Variants in KLHL42 observed in about 807,000 individuals in gnomAD.
KLHL42 encodes kelch-like protein 42.
KLHL42 carries 27 observed loss-of-function variants against 32.7 expected under a neutral mutation model. The observed-to-expected ratio is 0.83, with a 90% CI of 0.61 to 1.14. KLHL42 has a LOEUF of 1.14. KLHL42 is among the 50% of genes most tolerant of loss of function. The probability of loss-of-function intolerance (pLI) is 0.00; values close to 1 mark genes in which losing one functional copy is unlikely to be tolerated. For missense variants in KLHL42, 491 were observed against 560.8 expected (o/e 0.88, Z 1.26); for synonymous variants, 267 against 248.2 (o/e 1.08, Z -0.71).
chr12:27,780,817 A>C lies in KLHL42; in HGVS notation c.487A>C (p.Lys163Gln). 6.2e-7 allele frequency: 1 copy of C among 1,613,782 alleles called. No individual in the cohort carries two copies. Among genetic ancestry groups the C allele is most frequent in the Non-Finnish European group, 8.5e-7 (1 of 1,179,996 alleles). Residue 163 changes from lysine (K) to glutamine (Q), a missense_variant, in exon 1 of 3, where the codon AAG (lysine) becomes CAG (glutamine). This residue lies in a region of KLHL42 where 248 missense variants were observed against 329.2 expected (regional missense o/e 0.75). Transcript: ENST00000381271. This position sits in a 1 kb window ranked among gnomAD's most constrained non-coding sequence, Gnocchi z 8.8. ...CGTCCACTTCCACGAGGTGCTGTGCAAGCCCCAGTTCCACCTCCTGGGGTC... is the reference window on the plus strand; with the variant it reads ...CGTCCACTTCCACGAGGTGCTGTGCCAGCCCCAGTTCCACCTCCTGGGGTC... The part of the protein sequence containing the change: ...MVVHFHEVLC[K>Q]PQFHLLGSPP...
intron 1 of KLHL42, chr12:27,788,076 G>A (rs557166173): frequency 6.6e-6 from 1 of 152,330 alleles, no homozygotes; most frequent in South Asian, 2.1e-4. Context: ...CATGGCAGAA[G>A]GCAAGTAGAT....
At position 27,780,808 on chromosome 12, in the gene KLHL42, G is replaced by A; in HGVS notation, c.478G>A (p.Val160Met). 1 of 1,613,792 alleles carries A rather than the reference G, an allele frequency of 6.2e-7. No homozygotes were observed. Among genetic ancestry groups the A allele is most frequent in the East Asian group, 2.2e-5 (1 of 44,876 alleles). ...CTTCATGGTCGTCCACTTCCACGAG[G>A]TGCTGTGCAAGCCCCAGTTCCACCT... ...LRFMVVHFHE[V>M]LCKPQFHLLG... The change falls in exon 1 of 3, where the codon GTG becomes ATG. Residue 160 changes from valine (V) to methionine (M), a missense_variant. Physicochemically the swap from Val to Met is conservative, Grantham distance 21. Around this residue, in one of 4 missense-constraint regions of KLHL42, gnomAD observed 248 missense variants for 329.2 expected, o/e 0.75. Transcript: ENST00000381271. This position sits in a 1 kb window ranked among gnomAD's most constrained non-coding sequence, Gnocchi z 8.8.
chr12:27,800,759 C>T lies in KLHL42; in HGVS notation c.*2593C>T, dbSNP rs949550666. 5 of 151,992 alleles carry T rather than the reference C, an allele frequency of 3.3e-5. No individual in the cohort carries two copies. The highest frequency in any genetic ancestry group is 1.3e-4 in the Admixed American group (2 of 15,254). The allele number at this position is 151,992 out of a possible 1,614,324, so 9.4% of individuals were successfully genotyped here. On this transcript the variant is annotated 3_prime_UTR_variant, in exon 3 of 3. Coordinates refer to ENST00000381271, the MANE Select transcript of KLHL42 (RefSeq NM_020782.2). The stretch of plus-strand genomic sequence containing the variant: ...TCCCCCTTCATCCCCCAGGACTGTC[C>T]TTTACTCTTTGATAGTATCCCTCTA...
Position 27,799,083 on chromosome 12 carries a change from T to TA in KLHL42, c.*924dup, listed in dbSNP as rs1457877841. 1 of 152,770 alleles carries TA rather than the reference T, an allele frequency of 6.5e-6. No individual in the cohort carries two copies. Among genetic ancestry groups the TA allele is most frequent in the African/African-American group, 2.4e-5 (1 of 41,582 alleles). 9.5% of individuals were successfully genotyped at this position (152,770 alleles called of 1,614,324 possible). ...TTTGACTTAGTTCTTATTTTAAGGC[T>TA]AAAAAAACTTTGTCATATTTAAGTC... On this transcript the variant is annotated 3_prime_UTR_variant, in exon 3 of 3. Coordinates refer to ENST00000381271, the MANE Select transcript of KLHL42 (RefSeq NM_020782.2).
Position 27,798,099 on chromosome 12 carries a change from G to C in KLHL42, c.1451G>C (p.Arg484Pro). The change falls in exon 3 of 3, where the codon CGT (arginine) becomes CCT (proline). Residue 484 changes from arginine (R) to proline (P), a missense_variant. Physicochemically the swap from Arg to Pro is moderately radical, Grantham distance 103. Coordinates refer to ENST00000381271, the MANE Select transcript of KLHL42 (RefSeq NM_020782.2). Reference protein sequence around the residue: ...IFSDSWEAFRRFPAFGHNLLV... With the variant: ...IFSDSWEAFRPFPAFGHNLLV... ...TCAGATAGTTGGGAAGCATTTCGGC[G>C]TTTTCCAGCTTTTGGACATAACTTG... The C allele has an allele frequency of 1.3e-6, 1 of 780,990 alleles. No homozygotes were observed. The highest frequency in any genetic ancestry group is 2.4e-6 in the Non-Finnish European group (1 of 418,122). 48.4% of individuals were successfully genotyped at this position (780,990 alleles called of 1,614,324 possible).
rs185202566 is a variant in KLHL42 at position 27,783,272 on chromosome 12, G to A, written c.872+2070G>A. On this transcript the variant is annotated intron_variant, in intron 1 of 2. Coordinates refer to ENST00000381271, the MANE Select transcript of KLHL42 (RefSeq NM_020782.2). ...CTGAGTAGGCTGAGGAGGAAAAGGA[G>A]GTAGAGGAAGGGTTGGTTTTGCAGT... 1.2e-3 allele frequency among the ~76,000 whole-genome samples: 180 copies of A among 152,118 alleles called. 1 individual carries two copies. Among genetic ancestry groups the A allele is most frequent in the Admixed American group, 5.9e-4 (9 of 15,278 alleles).
chr12:27,781,317 A>G lies in KLHL42; in HGVS notation c.872+115A>G, dbSNP rs555315365. On this transcript the variant is annotated intron_variant, in intron 1 of 2. Coordinates refer to ENST00000381271, the MANE Select transcript of KLHL42 (RefSeq NM_020782.2). Reference sequence around the variant, plus strand: ...GGGAGGGTGTGCTGTGGTGGAAATGACATCTTCAGGAATGTTGTTGGCCTT... The same window carrying G: ...GGGAGGGTGTGCTGTGGTGGAAATGGCATCTTCAGGAATGTTGTTGGCCTT... The G allele has an allele frequency of 8.6e-5, 107 of 1,241,456 alleles. 1 individual carries two copies. In the South Asian group the frequency reaches 1.5e-3, roughly 18 times the overall value. 76.9% of individuals were successfully genotyped at this position (1,241,456 alleles called of 1,614,324 possible).
At position 27,798,206 on chromosome 12, in the gene KLHL42, T is replaced by C; in HGVS notation, c.*40T>C. 1.4e-6 allele frequency: 1 copy of C among 738,300 alleles called. No homozygotes were observed. 45.7% of individuals were successfully genotyped at this position (738,300 alleles called of 1,614,324 possible). On this transcript the variant is annotated 3_prime_UTR_variant, in exon 3 of 3. Coordinates refer to ENST00000381271, the MANE Select transcript of KLHL42 (RefSeq NM_020782.2). ...TAGATGAAAAAAACCTGGTTCAAGT[T>C]TTTTTTAAAATGTGGTGTCCCATTC...
intron 1 of KLHL42, among the ~76,000 whole-genome samples, chr12:27,789,396 G>T (rs1380701543): frequency 6.6e-6 from 1 of 152,110 alleles, no homozygotes; most frequent in Non-Finnish European, 1.5e-5. Context: ...TCTGTTTTTA[G>T]GTGGCAATTT....
Position 27,791,877 on chromosome 12 carries a change from G to A in KLHL42, c.1042G>A (p.Val348Ile). 6.2e-7 allele frequency: 1 copy of A among 1,614,110 alleles called. No homozygotes were observed. The highest frequency in any genetic ancestry group is 8.5e-7 in the Non-Finnish European group (1 of 1,180,016). Residue 348 changes from valine (V) to isoleucine (I), a missense_variant, in exon 2 of 3, where the codon GTC becomes ATC. This residue lies in a region of KLHL42 where 152 missense variants were observed against 125.9 expected (regional missense o/e 1.21). Transcript: ENST00000381271. Reference sequence around the variant, plus strand: ...CTGTGAGTGTAAGGGAAAAATTTATGTCATTGGAGGATACACTACCAGAGG... The same window carrying A: ...CTGTGAGTGTAAGGGAAAAATTTATATCATTGGAGGATACACTACCAGAGG... ...SACECKGKIY[V>I]IGGYTTRDRN...
intron 1 of KLHL42, among the ~76,000 whole-genome samples, chr12:27,783,218 G>T (rs1023112554): frequency 6.6e-6 from 1 of 151,994 alleles, no homozygotes; most frequent in Non-Finnish European, 1.5e-5. Flanking sequence ...AAAATTAAGC[G>T]GAAGTGGATC....
intron 2 of KLHL42, among the ~76,000 whole-genome samples, chr12:27,792,949 C>T (rs1453018580): frequency 5.9e-5 from 9 of 152,160 alleles, no homozygotes; most frequent in Non-Finnish European, 1.3e-4. Flanking sequence ...CAAGGTCTCC[C>T]TGTGTTGCCT....
intron 1 of KLHL42, 76 bp downstream of exon 1, chr12:27,781,278 GA>G: frequency 3.3e-6 from 5 of 1,502,118 alleles, no homozygotes; most frequent in Non-Finnish European, 4.5e-6. Flanking sequence ...AGTGTTTACT[GA>G]GCCAGTAAAT....
chr12:27,791,040 G>A (rs2140818708), intron 1 of KLHL42, among the ~76,000 whole-genome samples: 1 of 152,324 alleles, frequency 6.6e-6, no homozygotes, highest in African/African-American at 2.4e-5. Context: ...TAGCCTGGGT[G>A]ACAGAGCAAG....
chr12:27,780,303 G>A lies in KLHL42; in HGVS notation c.-28G>A. On this transcript the variant is annotated 5_prime_UTR_variant, in exon 1 of 3. Coordinates refer to ENST00000381271, the MANE Select transcript of KLHL42 (RefSeq NM_020782.2). The surrounding 1 kb of genome is among the most constrained non-coding windows in gnomAD (Gnocchi z 8.8). ...GAGGCCGGCGCGCAGATCTGGCGGT[G>A]AGCGCTGCCGCCCCGGGGCCCCCAG... 4 of 1,529,650 alleles carry A rather than the reference G, an allele frequency of 2.6e-6. No homozygotes were observed. The highest frequency in any genetic ancestry group is 1.4e-5 in the African/African-American group (1 of 69,390). 94.8% of individuals were successfully genotyped at this position (1,529,650 alleles called of 1,614,324 possible).
At chr12:27,794,727 G>A (rs1295638839) in intron 2 of KLHL42, among the ~76,000 whole-genome samples, 1 of 152,040 alleles carries the variant, frequency 6.6e-6, no homozygotes, top group Non-Finnish European at 1.5e-5. Context: ...TATCTTGTTA[G>A]GGACCACCAT....
chr12:27,784,121 T>C (rs34272062), intron 1 of KLHL42, among the ~76,000 whole-genome samples: 12 of 133,420 alleles, frequency 9.0e-5, no homozygotes, highest in Admixed American at 6.7e-4. Context: ...AGTGTATGTG[T>C]TTTTTTTTTT....
chr12:27,795,250 A>T (rs2062213774), intron 2 of KLHL42, among the ~76,000 whole-genome samples: 1 of 152,232 alleles, frequency 6.6e-6, no homozygotes, highest in African/African-American at 2.4e-5. Context: ...GACAGGCGGC[A>T]CTGTAACCCA....
intron 1 of KLHL42, among the ~76,000 whole-genome samples, chr12:27,790,388 C>T (rs747901709): frequency 2.0e-5 from 3 of 152,170 alleles, no homozygotes; most frequent in Non-Finnish European, 2.9e-5. Context: ...GGACTAGAAG[C>T]GAGGTCTTCT....
Sources: allele counts gnomAD v4.1 joint callset (sites outside exome capture counted in the v4.1 genomes callset), GRCh38; gene constraint gnomAD v4.1.1; regional missense constraint gnomAD v4.1.1; non-coding constraint Gnocchi (gnomAD v3.1); transcripts MANE v1.5; gene names NCBI Gene and HGNC (gene_info 2026-07-23, HGNC 2026-07-21).